The following GARNL3 variants were observed in gnomAD, a reference collection of about 807,000 sequenced individuals.
GARNL3 encodes the protein GTPase-activating Rap/Ran-GAP domain-like protein 3.
A neutral mutation model predicts 125.0 loss-of-function variants in GARNL3; 63 were observed. The ratio of observed to expected loss-of-function variants is 0.50; its 90% CI spans 0.41 to 0.62. GARNL3 has a LOEUF of 0.62. GARNL3 is among the 20% of genes least tolerant of loss of function. GARNL3 has a pLI of 0.00. For missense variants in GARNL3, 994 were observed against 1,244.0 expected, an observed-to-expected ratio of 0.80 and a Z score of 3.02; for synonymous variants, 439 against 457.5, an observed-to-expected ratio of 0.96 and a Z score of 0.52.
At chr9:127,377,792 C>CAA (rs56965235) in intron 22 of GARNL3, among the ~76,000 whole-genome samples, 1,696 of 67,294 alleles carry the variant, frequency 0.025, 58 homozygotes, top group East Asian at 0.15. Flanking sequence ...GACTCCGTCT[C>CAA]AAAAAAAAAA....
intron 12 of GARNL3, 123 bp downstream of exon 12, chr9:127,338,284 T>C (rs1281250462): frequency 1.4e-5 from 11 of 782,056 alleles, no homozygotes; most frequent in Non-Finnish European, 2.4e-5. Context: ...GCCTGCACCT[T>C]ACAAAACTTT....
intron 12 of GARNL3, among the ~76,000 whole-genome samples, chr9:127,339,108 T>C (rs1447766720): frequency 6.6e-6 from 1 of 151,910 alleles, no homozygotes; most frequent in Non-Finnish European, 1.5e-5. Flanking sequence ...CCATCCTGGC[T>C]AACACGATGA....
Position 127,353,901 on chromosome 9 carries a change from T to C in GARNL3, c.1599T>C (p.His533=), listed in dbSNP as rs144963446. 62 of 1,613,800 alleles carry C rather than the reference T, an allele frequency of 3.8e-5. No homozygotes were observed. In the African/African-American group the frequency reaches 7.7e-4, roughly 20 times the overall value. Residue 533 remains histidine (H), a synonymous_variant, in exon 18 of 28, where the codon CAT becomes CAC. Transcript: ENST00000373387. Reference sequence around the variant, plus strand: ...GAACTCTGCCAGTGAAGCAAATGCATGTGCTTGAGACCCTGGACCTTCTGG... The same window carrying C: ...GAACTCTGCCAGTGAAGCAAATGCACGTGCTTGAGACCCTGGACCTTCTGG... ...FDRTLPVKQM[H]VLETLDLLVL...
intron 4 of GARNL3, among the ~76,000 whole-genome samples, chr9:127,315,140 G>A (rs1331261091): frequency 6.6e-6 from 1 of 152,194 alleles, no homozygotes; most frequent in African/African-American, 2.4e-5. Flanking sequence ...AGGACAATGA[G>A]AGGGTTCTCA....
In GARNL3 at chr9:127,390,715, G is replaced by C; in HGVS notation, c.2818G>C (p.Glu940Gln). The stretch of plus-strand genomic sequence containing the variant: ...ATCAAAACCCCGGAAGCGGTTAGAA[G>C]AAAGCCAAGGAGGCCCCAAGCCAGG... ...AKSKPRKRLE[E>Q]SQGGPKPGAV... Residue 940 changes from glutamate (E) to glutamine (Q), a missense_variant, in exon 27 of 28, where the codon GAA becomes CAA. By Grantham distance (29) the Glu-to-Gln change is conservative. Transcript: ENST00000373387. 1.9e-6 allele frequency: 3 copies of C among 1,614,066 alleles called. No homozygotes were observed. The highest frequency in any genetic ancestry group is 2.5e-6 in the Non-Finnish European group (3 of 1,179,934).
chr9:127,301,925 CTTTTTTTTTTTT>C (rs754780368), intron 2 of GARNL3, among the ~76,000 whole-genome samples: 4 of 45,396 alleles, frequency 8.8e-5, no homozygotes, highest in East Asian at 7.9e-4. Context: ...ATTGGGAGGA[CTTTTTTTTTTTT>C]TTTTTTTTTT....
At chr9:127,296,702 C>T (rs1254855013) in intron 2 of GARNL3, among the ~76,000 whole-genome samples, 2 of 151,974 alleles carry the variant, frequency 1.3e-5, no homozygotes, top group Non-Finnish European at 2.9e-5. Context: ...AACTCCTGAC[C>T]TCAGGTGATC....
intron 22 of GARNL3, among the ~76,000 whole-genome samples, chr9:127,379,480 C>G (rs1564195606): frequency 6.6e-6 from 1 of 152,196 alleles, no homozygotes; most frequent in East Asian, 1.9e-4. Flanking sequence ...CCTCTCTCTG[C>G]ACTGCTAGAA....
chr9:127,263,951 G>A (rs1279535825), upstream of GARNL3: 19 of 1,525,424 alleles, frequency 1.2e-5, no homozygotes, highest in Middle Eastern at 1.7e-4. Flanking sequence ...TGTGCCAAGA[G>A]GGCTGTAATT....
At chr9:127,337,409 A>G (rs750154629) in intron 11 of GARNL3, among the ~76,000 whole-genome samples, 10 of 152,204 alleles carry the variant, frequency 6.6e-5, no homozygotes, top group Non-Finnish European at 1.3e-4. Flanking sequence ...AGGGGCAAGC[A>G]GATCATTAAG....
intron 2 of GARNL3, among the ~76,000 whole-genome samples, chr9:127,295,357 C>A (rs1442653302): frequency 6.6e-6 from 1 of 152,180 alleles, no homozygotes; most frequent in Non-Finnish European, 1.5e-5. Context: ...TGCATGAGTT[C>A]CTGCATCAGC....
intron 7 of GARNL3, among the ~76,000 whole-genome samples, chr9:127,330,084 T>G (rs755819435): frequency 1.3e-5 from 2 of 152,180 alleles, no homozygotes; most frequent in Non-Finnish European, 2.9e-5. Context: ...TCAGGCCCTA[T>G]CCCAAACCTG....
intron 22 of GARNL3, 46 bp downstream of exon 22, chr9:127,365,412 C>CTTT: frequency 3.9e-5 from 45 of 1,149,956 alleles, no homozygotes; most frequent in Non-Finnish European, 4.3e-5. Context: ...AAATGGACTG[C>CTTT]TTTTTTTTTT....
At chr9:127,235,010 T>C (rs187769773) in intron 1 of GARNL3, among the ~76,000 whole-genome samples, 1 of 152,116 alleles carries the variant, frequency 6.6e-6, no homozygotes, top group African/African-American at 2.4e-5. Flanking sequence ...CCATCAGAAG[T>C]ATGTCAATAT....
At position 127,336,056 on chromosome 9, in the gene GARNL3, A is replaced by G. The variant is rs934591853; in HGVS notation, c.874-72A>G. 5 of 1,098,108 alleles carry G rather than the reference A, an allele frequency of 4.6e-6. No homozygotes were observed. The African/African-American group carries it at 6.3e-5, about 14-fold the overall frequency. The allele number at this position is 1,098,108 out of a possible 1,614,324, so 68.0% of individuals were successfully genotyped here. A position where few individuals can be genotyped will look rare whatever the true frequency, so the allele number is the denominator to read the frequency against. ...TGGCTGTGGTTTGTTATATTGGGTT[A>G]TGTTTTTTTAACTCTGTGAATGTGC... On this transcript the variant is annotated intron_variant, in intron 10 of 27. Transcript: ENST00000373387.
intron 16 of GARNL3, among the ~76,000 whole-genome samples, chr9:127,348,482 T>C (rs1172674047): frequency 6.6e-6 from 1 of 152,236 alleles, no homozygotes. Flanking sequence ...GCATCATGTA[T>C]GTTTTACTAA....
At chr9:127,329,897 T>C (rs756239778) in intron 7 of GARNL3, among the ~76,000 whole-genome samples, 1 of 152,198 alleles carries the variant, frequency 6.6e-6, no homozygotes, top group Non-Finnish European at 1.5e-5. Flanking sequence ...TGTCAGTTTA[T>C]GGCTCAGAGT....
At chr9:127,340,105 A>G (rs749448197) in intron 13 of GARNL3, among the ~76,000 whole-genome samples, 6 of 152,068 alleles carry the variant, frequency 3.9e-5, no homozygotes, top group Admixed American at 6.5e-5. Flanking sequence ...TGGGGGAAAG[A>G]GTGGTTGTGG....
intron 22 of GARNL3, among the ~76,000 whole-genome samples, chr9:127,382,306 TAAA>T: frequency 6.6e-6 from 1 of 151,804 alleles, no homozygotes; most frequent in African/African-American, 2.4e-5. Context: ...TCTCAAAAAT[TAAA>T]AATAATAATA....
Sources: gnomAD v4.1 joint callset for allele counts (sites outside exome capture counted in the v4.1 genomes callset) on GRCh38, gnomAD v4.1.1 for gene constraint, MANE v1.5 for transcripts, NCBI Gene and HGNC (gene_info 2026-07-23, HGNC 2026-07-21) for gene names.